Variants in DENND3 observed in about 807,000 individuals in gnomAD.
DENND3 encodes DENN domain-containing protein 3.
DENND3 carries 88 observed loss-of-function variants against 135.1 expected under a neutral mutation model. That is an observed-to-expected ratio of 0.65 (90% CI 0.55 to 0.78). DENND3 has a LOEUF of 0.78. Among genes scored for constraint, DENND3 ranks in the 30% least tolerant of loss-of-function variants. The pLI is 0.00. For synonymous variants in DENND3, 693 were observed against 712.3 expected (o/e 0.97, Z 0.43); for missense variants, 1,392 against 1,688.4 (o/e 0.82, Z 3.08).
In DENND3 at chr8:141,175,069, C is replaced by A. The variant is rs531691992; in HGVS notation, c.2276-131C>A. 4 of 1,059,390 alleles carry A rather than the reference C, an allele frequency of 3.8e-6. No homozygotes were observed. The highest frequency in any genetic ancestry group is 2.3e-5 in the Admixed American group (1 of 43,538). The allele number at this position is 1,059,390 out of a possible 1,614,324, so 65.6% of individuals were successfully genotyped here. On this transcript the variant is annotated intron_variant, in intron 13 of 22. Coordinates refer to ENST00000519811, the MANE Select transcript of DENND3 (RefSeq NM_001352890.3). This position sits in a 1 kb window ranked among gnomAD's most constrained non-coding sequence, Gnocchi z 5.4. ...AACCTTCTAGGCAGTTTCCATCCAGCGCCCTGAGTGCTGGCGCCACCTGCT... is the reference window on the plus strand; with the variant it reads ...AACCTTCTAGGCAGTTTCCATCCAGAGCCCTGAGTGCTGGCGCCACCTGCT...
intron 16 of DENND3, among the ~76,000 whole-genome samples, chr8:141,179,657 C>T (rs1056886619): frequency 2.0e-5 from 3 of 152,260 alleles, no homozygotes; most frequent in African/African-American, 7.2e-5. Flanking sequence ...AGGCGTTGGC[C>T]GCGGCCAGTT....
rs1209505350 is a variant in DENND3, at chr8:141,168,852, A to G, written c.2275+327A>G. Reference sequence around the variant, plus strand: ...AAGAGTGAGCCTCTGCGTTGGGCCCATATATTTTATTTTACTTTATTTATG... The same window carrying G: ...AAGAGTGAGCCTCTGCGTTGGGCCCGTATATTTTATTTTACTTTATTTATG... On this transcript the variant is annotated intron_variant, in intron 13 of 22. Transcript: ENST00000519811. This position sits in a 1 kb window ranked among gnomAD's most constrained non-coding sequence, Gnocchi z 6.2. Among the ~76,000 whole-genome samples the G allele has an allele frequency of 1.3e-5, 2 of 150,344 alleles. No individual in the cohort carries two copies. The highest frequency in any genetic ancestry group is 1.3e-4 in the Admixed American group (2 of 15,074).
In DENND3 at chr8:141,178,146, C is replaced by T. The variant is rs1259178439; in HGVS notation, c.2786C>T (p.Ala929Val). The T allele has an allele frequency of 6.2e-7, 1 of 1,613,496 alleles. No homozygotes were observed. The part of the protein sequence containing the change: ...AVVGTLQSPG[A>V]IYAASKLSYF... ...GTGGGCACACTGCAGTCACCAGGCG[C>T]CATCTACGCTGCCTCCAAGTTATCC... The change falls in exon 16 of 23, where the codon GCC becomes GTC. Residue 929 changes from alanine (A) to valine (V), a missense_variant. Ala to Val is a moderately conservative substitution (Grantham distance 64, BLOSUM62 0). Coordinates refer to ENST00000519811, the MANE Select transcript of DENND3 (RefSeq NM_001352890.3).
At chr8:141,177,721 G>A (rs573550336) in intron 15 of DENND3, 2 of 200,072 alleles carry the variant, frequency 1.0e-5, no homozygotes, top group African/African-American at 4.6e-5. Context: ...AGTTTTATTG[G>A]AACACAGTCC....
chr8:141,168,334 C>T lies in DENND3; in HGVS notation c.2084C>T (p.Pro695Leu), dbSNP rs756559569. The T allele has an allele frequency of 7.4e-6, 12 of 1,613,880 alleles. No homozygotes were observed. Among genetic ancestry groups the T allele is most frequent in the Admixed American group, 3.3e-5 (2 of 60,018 alleles). The change falls in exon 13 of 23, where the codon CCG becomes CTG. Residue 695 changes from proline to leucine, a missense_variant. Pro to Leu is a moderately conservative substitution (Grantham distance 98, BLOSUM62 -3). Coordinates refer to ENST00000519811, the MANE Select transcript of DENND3 (RefSeq NM_001352890.3). This position sits in a 1 kb window ranked among gnomAD's most constrained non-coding sequence, Gnocchi z 6.2. ...APEWEGAEQA[P>L]ELMRLISEIL... ...GAGTGGGAGGGGGCTGAGCAGGCGCCGGAGCTGATGAGGCTCATCAGCGAG... is the reference window on the plus strand; with the variant it reads ...GAGTGGGAGGGGGCTGAGCAGGCGCTGGAGCTGATGAGGCTCATCAGCGAG...
At position 141,141,571 on chromosome 8, in the gene DENND3, C is replaced by T. The variant is rs1817464670; in HGVS notation, c.623+247C>T. On this transcript the variant is annotated intron_variant, in intron 4 of 22. Transcript: ENST00000519811. This position sits in a 1 kb window ranked among gnomAD's most constrained non-coding sequence, Gnocchi z 5.3. ...GGGCGCTCCTCTCTGTGACTGGTAA[C>T]ATACGGTAATGGCATGGTAGGAAAG... The T allele has an allele frequency of 3.8e-6, 2 of 529,016 alleles. No individual in the cohort carries two copies. The highest frequency in any genetic ancestry group is 6.8e-6 in the Non-Finnish European group (2 of 293,874). The allele number at this position is 529,016 out of a possible 1,614,324, so 32.8% of individuals were successfully genotyped here.
chr8:141,192,699 G>C, intron 22 of DENND3, 36 bp downstream of exon 22: 1 of 1,606,266 alleles, frequency 6.2e-7, no homozygotes, highest in East Asian at 2.2e-5. Flanking sequence ...AGCATCCCCG[G>C]CAGGTCTCGC....
At chr8:141,189,928 G>A (rs1482012569) in intron 19 of DENND3, among the ~76,000 whole-genome samples, 2 of 152,152 alleles carry the variant, frequency 1.3e-5, no homozygotes, top group Non-Finnish European at 2.9e-5. Flanking sequence ...GACCGCTGAC[G>A]AGGTTCCATT....
At chr8:141,152,673 T>G (rs1359770063) in intron 7 of DENND3, among the ~76,000 whole-genome samples, 1 of 152,246 alleles carries the variant, frequency 6.6e-6, no homozygotes, top group East Asian at 1.9e-4. Context: ...GTGATGACCG[T>G]GTGGGTTGTT....
At chr8:141,190,064 G>A (rs1486093516) in intron 19 of DENND3, among the ~76,000 whole-genome samples, 1 of 152,048 alleles carries the variant, frequency 6.6e-6, no homozygotes, top group Non-Finnish European at 1.5e-5. Flanking sequence ...TTTGAGCCAA[G>A]CCTGGCTGTG....
chr8:141,183,958 C>G (rs75204550), intron 17 of DENND3, among the ~76,000 whole-genome samples: 16 of 152,186 alleles, frequency 1.1e-4, no homozygotes, highest in Admixed American at 2.6e-4. Flanking sequence ...GGCCTCCCTG[C>G]GGCCTGTGCT....
chr8:141,170,371 ATG>A lies in DENND3; in HGVS notation c.2275+1852_2275+1853del, dbSNP rs1041527613. 1.1e-4 allele frequency among the ~76,000 whole-genome samples: 17 copies of A among 151,900 alleles called. No individual in the cohort carries two copies. The East Asian group carries it at 1.8e-3, about 16-fold the overall frequency. ...TGGCCGAGTGTGTGTATGAGTGTGT[ATG>A]TGTGTATATGAATGTGTGTGGGTGT... On this transcript the variant is annotated intron_variant, in intron 13 of 22. Coordinates refer to ENST00000519811, the MANE Select transcript of DENND3 (RefSeq NM_001352890.3).
chr8:141,172,716 G>T (rs916251159), intron 13 of DENND3, among the ~76,000 whole-genome samples: 1 of 152,150 alleles, frequency 6.6e-6, no homozygotes, highest in Non-Finnish European at 1.5e-5. Context: ...CCAAAAGATT[G>T]CTTTATGTGA....
intron 22 of DENND3, 45 bp from the exon 23 acceptor site, chr8:141,193,988 G>C: frequency 6.3e-7 from 1 of 1,593,730 alleles, no homozygotes; most frequent in South Asian, 1.1e-5. Context: ...GTGCTCTTGG[G>C]AGGGGCTTCT....
At chr8:141,153,632 C>G (rs1819090636) in intron 7 of DENND3, among the ~76,000 whole-genome samples, 1 of 152,180 alleles carries the variant, frequency 6.6e-6, no homozygotes, top group Non-Finnish European at 1.5e-5. Context: ...TGTGTTCCTG[C>G]CAAGGCGAGT....
At chr8:141,157,260 C>G in intron 8 of DENND3, 1 of 978,794 alleles carries the variant, frequency 1.0e-6, no homozygotes, top group Non-Finnish European at 1.2e-6. Flanking sequence ...GGACTTTGGT[C>G]AGGGGAGGGT....
chr8:141,185,293 C>T lies in DENND3; in HGVS notation c.3084+15C>T, dbSNP rs756353348. ...CTGCAAAAGTGGTGAGTACACGAAG[C>T]GTCAGGAAAGAAGCCTCTGAATTCA... On this transcript the variant is annotated intron_variant, in intron 18 of 22. Coordinates refer to ENST00000519811, the MANE Select transcript of DENND3 (RefSeq NM_001352890.3). The T allele has an allele frequency of 2.6e-5, 42 of 1,613,532 alleles. No individual in the cohort carries two copies. The highest frequency in any genetic ancestry group is 2.4e-4 in the South Asian group (22 of 91,070).
chr8:141,192,035 C>T (rs1824828838), intron 20 of DENND3: 1 of 317,372 alleles, frequency 3.2e-6, no homozygotes, highest in Non-Finnish European at 5.9e-6. Flanking sequence ...CCCAATAATA[C>T]ATTCTTTAAG....
chr8:141,156,405 T>C (rs1819436442), intron 8 of DENND3, among the ~76,000 whole-genome samples: 1 of 152,168 alleles, frequency 6.6e-6, no homozygotes, highest in Non-Finnish European at 1.5e-5. Flanking sequence ...TATTTTGAAA[T>C]GAAAGTGATT....
Sources: gnomAD v4.1 joint callset for allele counts (sites outside exome capture counted in the v4.1 genomes callset) on GRCh38, gnomAD v4.1.1 for gene constraint, Gnocchi (gnomAD v3.1) non-coding constraint, MANE v1.5 for transcripts, NCBI Gene and HGNC (gene_info 2026-07-23, HGNC 2026-07-21) for gene names.